The following PCDHA10 variants were observed in gnomAD, a reference collection of about 807,000 sequenced individuals.
PCDHA10 encodes protocadherin alpha 10.
Under a neutral mutation model 61.2 loss-of-function variants are expected in PCDHA10, and 45 were observed. That is an observed-to-expected ratio of 0.74 (90% CI 0.58 to 0.94). PCDHA10 has a LOEUF of 0.94. Among genes scored for constraint, PCDHA10 ranks in the 40% least tolerant of loss-of-function variants. The pLI is 0.00. For missense variants in PCDHA10, 1,278 were observed against 1,236.2 expected (o/e 1.03, Z -0.51); for synonymous variants, 602 against 548.8 (o/e 1.10, Z -1.35).
At chr5:140,967,506 T>G in intron 1 of PCDHA10, 7 of 1,612,946 alleles carry the variant, frequency 4.3e-6, no homozygotes, top group Non-Finnish European at 5.9e-6. Context: ...TCTGTGCGTG[T>G]CCTGGACACT....
At chr5:140,966,677 A>C in intron 1 of PCDHA10, 1 of 1,313,088 alleles carries the variant, frequency 7.6e-7, no homozygotes, top group Non-Finnish European at 9.8e-7. Flanking sequence ...GCAGGGTGGC[A>C]CGAGCGGAGG....
chr5:140,857,404 T>G lies in PCDHA10; in HGVS notation c.1356T>G (p.Pro452=), dbSNP rs150677637. The G allele has an allele frequency of 2.5e-6, 4 of 1,597,852 alleles. No homozygotes were observed. The highest frequency in any genetic ancestry group is 1.3e-5 in the African/African-American group (1 of 74,178). ...TGGCCGACGTGAACGACAACGCGCC[T>G]GCGTTCGCGCAGTCCGAGTACACGG... The part of the protein sequence containing the change: ...VEVADVNDNA[P]AFAQSEYTVF... The change falls in exon 1 of 4, where the codon CCT becomes CCG. Residue 452 remains proline (P), a synonymous_variant. Coordinates refer to ENST00000307360, the MANE Select transcript of PCDHA10 (RefSeq NM_018901.4).
chr5:140,983,801 T>G (rs1386165689), intron 3 of PCDHA10, among the ~76,000 whole-genome samples: 1 of 152,214 alleles, frequency 6.6e-6, no homozygotes, highest in Non-Finnish European at 1.5e-5. Context: ...AATGTGTGTG[T>G]AAAAGGTTTT....
intron 3 of PCDHA10, among the ~76,000 whole-genome samples, chr5:140,987,224 A>AT (rs34154612): frequency 0.031 from 4,713 of 152,034 alleles, 257 homozygotes; most frequent in African/African-American, 0.11. Context: ...AAAAAAAAAA[A>AT]AAATAATAAA....
At chr5:140,897,356 C>T (rs1554187343) in intron 1 of PCDHA10, among the ~76,000 whole-genome samples, 1 of 134,770 alleles carries the variant, frequency 7.4e-6, no homozygotes, top group African/African-American at 2.8e-5. Flanking sequence ...ACAACTGTCC[C>T]CAGAGTGTGA....
At chr5:140,882,201 C>T in intron 1 of PCDHA10, 1 of 1,528,460 alleles carries the variant, frequency 6.5e-7, no homozygotes, top group Non-Finnish European at 8.8e-7. Context: ...AAAATTGGGC[C>T]TTGAGAGACA....
Position 140,857,099 on chromosome 5 carries a change from G to C in PCDHA10, c.1051G>C (p.Val351Leu), listed in dbSNP as rs2044359336. The change falls in exon 1 of 4, where the codon GTC (valine) becomes CTC (leucine). Residue 351 changes from valine (V) to leucine (L), a missense_variant. By Grantham distance (32) the Val-to-Leu change is conservative (BLOSUM62 1). Transcript: ENST00000307360. Reference sequence around the variant, plus strand: ...AAATGATAATTCACCTGAGGTGATTGTCACTTCTCTGTCTCTCCCAGTGAA... The same window carrying C: ...AAATGATAATTCACCTGAGGTGATTCTCACTTCTCTGTCTCTCCCAGTGAA... Reference protein sequence around the residue: ...DENDNSPEVIVTSLSLPVKED... With the variant: ...DENDNSPEVILTSLSLPVKED... 3 of 1,597,240 alleles carry C rather than the reference G, an allele frequency of 1.9e-6. No individual in the cohort carries two copies. The highest frequency in any genetic ancestry group is 2.6e-6 in the Non-Finnish European group (3 of 1,166,916).
At chr5:140,872,114 AG>A (rs1261193633) in intron 1 of PCDHA10, among the ~76,000 whole-genome samples, 1 of 151,936 alleles carries the variant, frequency 6.6e-6, no homozygotes, top group African/African-American at 2.4e-5. Context: ...TCCTAACTTC[AG>A]GCTTGTATCA....
At chr5:141,008,425 A>G (rs1195605563) in intron 3 of PCDHA10, among the ~76,000 whole-genome samples, 2 of 152,172 alleles carry the variant, frequency 1.3e-5, no homozygotes, top group East Asian at 1.9e-4. Context: ...CACTGGGATC[A>G]CTTTGCCCAG....
intron 1 of PCDHA10, among the ~76,000 whole-genome samples, chr5:140,897,659 G>A: frequency 6.6e-6 from 1 of 152,230 alleles, no homozygotes; most frequent in South Asian, 2.1e-4. Flanking sequence ...ACGTGTGCAT[G>A]TGTCTTTATA....
chr5:140,908,949 G>A (rs2074237561), intron 1 of PCDHA10, among the ~76,000 whole-genome samples: 1 of 152,144 alleles, frequency 6.6e-6, no homozygotes, highest in South Asian at 2.1e-4. Context: ...CTTCACCTTA[G>A]AAGGAATATC....
rs533995955 is a variant in PCDHA10, at chr5:140,975,833, A to T, written c.2389-3116A>T. On this transcript the variant is annotated intron_variant, in intron 1 of 3. Coordinates refer to ENST00000307360, the MANE Select transcript of PCDHA10 (RefSeq NM_018901.4). ...TTAATAGGAACTGAAGTGTATTCTT[A>T]TTCTTCAGTAATACTACATCACCCA... 2.6e-5 allele frequency among the ~76,000 whole-genome samples: 4 copies of T among 152,336 alleles called. No individual in the cohort carries two copies. In the South Asian group the frequency reaches 8.3e-4, roughly 32 times the overall value.
intron 3 of PCDHA10, among the ~76,000 whole-genome samples, chr5:141,006,373 G>A (rs550999366): frequency 1.1e-4 from 17 of 151,910 alleles, no homozygotes; most frequent in African/African-American, 3.1e-4. Context: ...CACCACGCCC[G>A]GCTAAGTTTT....
chr5:141,010,377 G>A lies in PCDHA10; in HGVS notation c.*440G>A. 1 of 1,444,554 alleles carries A rather than the reference G, an allele frequency of 6.9e-7. No individual in the cohort carries two copies. The highest frequency in any genetic ancestry group is 1.4e-5 in the South Asian group (1 of 71,996). The allele number at this position is 1,444,554 out of a possible 1,614,324, so 89.5% of individuals were successfully genotyped here. ...GGCTACCGCGGGTATGCGAGTGCCA[G>A]ATATTGGCTGAGACGAGCCAGCTTA... On this transcript the variant is annotated 3_prime_UTR_variant, in exon 4 of 4. Transcript: ENST00000307360.
Position 140,953,939 on chromosome 5 carries a change from A to G in PCDHA10, c.2389-25010A>G, listed in dbSNP as rs544318515. ...TATTCTTCCTGATGCTCTCCCTCCCATTGCTCCCCCAACAGGCCCCAGTGT... is the reference window on the plus strand; with the variant it reads ...TATTCTTCCTGATGCTCTCCCTCCCGTTGCTCCCCCAACAGGCCCCAGTGT... On this transcript the variant is annotated intron_variant, in intron 1 of 3. Coordinates refer to ENST00000307360, the MANE Select transcript of PCDHA10 (RefSeq NM_018901.4). Among the ~76,000 whole-genome samples the G allele has an allele frequency of 2.8e-3, 420 of 151,700 alleles. 4 individuals carry two copies. The highest frequency in any genetic ancestry group is 4.8e-3 in the Non-Finnish European group (324 of 67,900).
At chr5:140,993,450 CTTCT>C (rs1279887965) in intron 3 of PCDHA10, among the ~76,000 whole-genome samples, 2 of 137,074 alleles carry the variant, frequency 1.5e-5, no homozygotes, top group South Asian at 2.5e-4. Flanking sequence ...TCCTGTTCTC[CTTCT>C]TTCTTTCTCA....
intron 1 of PCDHA10, chr5:140,884,340 C>G (rs1480799859): frequency 1.2e-6 from 2 of 1,613,772 alleles, no homozygotes; most frequent in South Asian, 1.1e-5. Flanking sequence ...GGTCCAGAAG[C>G]GGCGCTGGTG....
In PCDHA10 at chr5:140,857,206, C is replaced by T. The variant is rs1554149659; in HGVS notation, c.1158C>T (p.Cys386=). Residue 386 remains cysteine, a synonymous_variant, in exon 1 of 4, where the codon TGC becomes TGT. Transcript: ENST00000307360. ...HDSGANGQVT[C]SLTPHVPFKL... Reference sequence around the variant, plus strand: ...CAGGAGCCAACGGACAGGTCACCTGCTCTCTGACGCCTCACGTTCCGTTCA... The same window carrying T: ...CAGGAGCCAACGGACAGGTCACCTGTTCTCTGACGCCTCACGTTCCGTTCA... The T allele has an allele frequency of 2.5e-6, 4 of 1,598,614 alleles. No homozygotes were observed. The South Asian group carries it at 3.3e-5, about 13-fold the overall frequency.
At chr5:140,919,183 A>T (rs2079029188) in intron 1 of PCDHA10, among the ~76,000 whole-genome samples, 1 of 152,104 alleles carries the variant, frequency 6.6e-6, no homozygotes, top group Non-Finnish European at 1.5e-5. Context: ...TATCTTCCTG[A>T]TTGGTCCTTT....
Sources: allele counts gnomAD v4.1 joint callset (sites outside exome capture counted in the v4.1 genomes callset), GRCh38; gene constraint gnomAD v4.1.1; transcripts MANE v1.5; gene names NCBI Gene and HGNC (gene_info 2026-07-23, HGNC 2026-07-21).